Variants in TMTC1 observed in about 807,000 individuals in gnomAD.
TMTC1 encodes transmembrane O-mannosyltransferase targeting cadherins 1.
In TMTC1, 73 loss-of-function variants were observed where a neutral mutation model predicts 104.8. The ratio of observed to expected loss-of-function variants is 0.70; its 90% CI spans 0.58 to 0.85. The LOEUF (loss-of-function observed/expected upper bound fraction) is 0.85, where lower values mean the gene tolerates loss of function less well. TMTC1 is among the 40% of genes least tolerant of loss of function. The probability of loss-of-function intolerance (pLI) is 0.00; values close to 1 mark genes in which losing one functional copy is unlikely to be tolerated. For synonymous variants in TMTC1, 434 were observed against 428.7 expected (o/e 1.01, Z -0.15); for missense variants, 1,035 against 1,096.1 (o/e 0.94, Z 0.79).
At chr12:29,759,271 G>A (rs547907175) in intron 2 of TMTC1, among the ~76,000 whole-genome samples, 8 of 152,218 alleles carry the variant, frequency 5.3e-5, no homozygotes, top group African/African-American at 1.4e-4. Context: ...CGAGGCTGGC[G>A]GAACACTTGA....
chr12:29,694,188 T>A (rs1256611826), intron 5 of TMTC1, among the ~76,000 whole-genome samples: 1 of 152,196 alleles, frequency 6.6e-6, no homozygotes, highest in African/African-American at 2.4e-5. Flanking sequence ...CATCCCCGTA[T>A]CTGACTCTCT....
At position 29,751,826 on chromosome 12, in the gene TMTC1, G is replaced by A. The variant is rs1943097972; in HGVS notation, c.778C>T (p.Pro260Ser). The A allele has an allele frequency of 1.2e-6, 2 of 1,601,944 alleles. No individual in the cohort carries two copies. Among genetic ancestry groups the A allele is most frequent in the East Asian group, 2.3e-5 (1 of 44,376 alleles). The change falls in exon 5 of 18, where the codon CCC becomes TCC. Residue 260 changes from proline to serine, a missense_variant. By Grantham distance (74) the Pro-to-Ser change is moderately conservative. Transcript: ENST00000539277. ...TGGCCTGGCAGTGAGGAGGGCTGGGGGCTCCCGGGCTGCTGTGGGCTGCGT... is the reference window on the plus strand; with the variant it reads ...TGGCCTGGCAGTGAGGAGGGCTGGGAGCTCCCGGGCTGCTGTGGGCTGCGT... ...CPRSPQQPGS[P>S]QPSSLPGHPH...
chr12:29,779,919 C>A, intron 1 of TMTC1, among the ~76,000 whole-genome samples: 1 of 152,076 alleles, frequency 6.6e-6, no homozygotes, highest in East Asian at 1.9e-4. Context: ...ATAGCTTCAC[C>A]CATTAGGGAA....
chr12:29,557,814 G>A (rs1251542428), intron 9 of TMTC1, among the ~76,000 whole-genome samples: 1 of 152,154 alleles, frequency 6.6e-6, no homozygotes, highest in Non-Finnish European at 1.5e-5. Context: ...GATATATAAT[G>A]TCACCCCATA....
chr12:29,536,715 T>C (rs1332432442), intron 10 of TMTC1, among the ~76,000 whole-genome samples: 2 of 152,172 alleles, frequency 1.3e-5, no homozygotes, highest in Non-Finnish European at 2.9e-5. Context: ...GTCCCTGTAG[T>C]ACTGGTCACA....
chr12:29,683,260 G>A (rs1174470485), intron 5 of TMTC1, among the ~76,000 whole-genome samples: 3 of 152,122 alleles, frequency 2.0e-5, no homozygotes, highest in Admixed American at 6.5e-5. Context: ...ATTCAATCAC[G>A]AGGTCAAGAG....
At chr12:29,644,523 A>G (rs1362361136) in intron 5 of TMTC1, among the ~76,000 whole-genome samples, 2 of 152,132 alleles carry the variant, frequency 1.3e-5, no homozygotes, top group Admixed American at 1.3e-4. Flanking sequence ...AAATTAAAAA[A>G]ACAAAATTCC....
rs1287466953 is a variant in TMTC1, at chr12:29,767,827, TGTATACAC to T, written c.480+63_480+70del. On this transcript the variant is annotated intron_variant, in intron 2 of 17. Coordinates refer to ENST00000539277, the MANE Select transcript of TMTC1 (RefSeq NM_001193451.2). Reference sequence around the variant, plus strand: ...ATATTTACATGTATATATATGTGTGTGTATACACGTATACACGTATACATACACACATT... The same window carrying T: ...ATATTTACATGTATATATATGTGTGTGTATACACGTATACATACACACATT... 1.9e-5 allele frequency: 26 copies of T among 1,392,598 alleles called. 1 individual carries two copies. The highest frequency in any genetic ancestry group is 1.1e-4 in the Admixed American group (6 of 54,078). 86.3% of individuals were successfully genotyped at this position (1,392,598 alleles called of 1,614,324 possible). A position where few individuals can be genotyped will look rare whatever the true frequency, so the allele number is the denominator to read the frequency against.
chr12:29,517,543 T>C lies in TMTC1; in HGVS notation c.2053A>G (p.Ile685Val). 6.2e-7 allele frequency: 1 copy of C among 1,614,148 alleles called. No individual in the cohort carries two copies. Among genetic ancestry groups the C allele is most frequent in the South Asian group, 1.1e-5 (1 of 91,074 alleles). The change falls in exon 14 of 18, where the codon ATA becomes GTA. Residue 685 changes from isoleucine (I) to valine (V), a missense_variant. By Grantham distance (29) the Ile-to-Val change is conservative. Coordinates refer to ENST00000539277, the MANE Select transcript of TMTC1 (RefSeq NM_001193451.2). The part of the protein sequence containing the change: ...RALQVAHKAE[I>V]LSPLGALYYN... ...TACAGTGCTCCCAAAGGTGACAATA[T>C]CTCAGCTTTGTGTGCCACCTGCAGG...
chr12:29,585,656 A>G (rs981211637), intron 7 of TMTC1, among the ~76,000 whole-genome samples: 7 of 150,560 alleles, frequency 4.6e-5, no homozygotes, highest in Non-Finnish European at 7.3e-5. Context: ...AGCTTTCTAC[A>G]TATGGCTAGC....
rs927222181 is a variant in TMTC1 at position 29,501,641 on chromosome 12, T to A, written c.*5205A>T. ...GTTACATATATATATATACAACGTG[T>A]ACTACTGAGAATGCAAAGAAACTAC... On this transcript the variant is annotated 3_prime_UTR_variant, in exon 18 of 18. Transcript: ENST00000539277. 3 of 152,144 alleles carry A rather than the reference T, an allele frequency of 2.0e-5. No individual in the cohort carries two copies. Among genetic ancestry groups the A allele is most frequent in the South Asian group, 2.1e-4 (1 of 4,826 alleles). The allele number at this position is 152,144 out of a possible 1,614,324, so 9.4% of individuals were successfully genotyped here. A position where few individuals can be genotyped will look rare whatever the true frequency, so the allele number is the denominator to read the frequency against.
rs879602127 is a variant in TMTC1, at chr12:29,725,011, G to GTTTTTTTTTTTTTTTTTTTTT, written c.938+26654_938+26655insAAAAAAAAAAAAAAAAAAAAA. Among the ~76,000 whole-genome samples the GTTTTTTTTTTTTTTTTTTTTT allele has an allele frequency of 1.2e-4, 14 of 115,724 alleles. 2 individuals carry two copies. The highest frequency in any genetic ancestry group is 1.9e-4 in the African/African-American group (6 of 32,280). 75.9% of individuals were successfully genotyped at this position (115,724 alleles called of 152,430 possible). A position where few individuals can be genotyped will look rare whatever the true frequency, so the allele number is the denominator to read the frequency against. Reference sequence around the variant, plus strand: ...CGTAGTTTAGCTATATATCTGCCAAGTTCTTTTTTTTTTTTTTTTTTTTTT... The same window carrying GTTTTTTTTTTTTTTTTTTTTT: ...CGTAGTTTAGCTATATATCTGCCAAGTTTTTTTTTTTTTTTTTTTTTTTCTTTTTTTTTTTTTTTTTTTTTT... On this transcript the variant is annotated intron_variant, in intron 5 of 17. Coordinates refer to ENST00000539277, the MANE Select transcript of TMTC1 (RefSeq NM_001193451.2).
At chr12:29,558,836 A>C (rs1565670643) in intron 9 of TMTC1, among the ~76,000 whole-genome samples, 1 of 152,168 alleles carries the variant, frequency 6.6e-6, no homozygotes, top group Non-Finnish European at 1.5e-5. Context: ...TTTAGAAGAT[A>C]TGAGGCTATG....
Position 29,768,207 on chromosome 12 carries a change from T to A in TMTC1, c.303-132A>T, listed in dbSNP as rs930132493. On this transcript the variant is annotated intron_variant, in intron 1 of 17. Coordinates refer to ENST00000539277, the MANE Select transcript of TMTC1 (RefSeq NM_001193451.2). ...AATGATTTTTAAATGATTCCCAACA[T>A]TGGGTTATTTTTTAGCCTTGGGTAT... is the stretch of plus-strand genomic sequence containing the variant. 9.5e-6 allele frequency: 7 copies of A among 738,392 alleles called. No homozygotes were observed. In the South Asian group the frequency reaches 1.5e-4, roughly 16 times the overall value. 45.7% of individuals were successfully genotyped at this position (738,392 alleles called of 1,614,324 possible).
intron 11 of TMTC1, chr12:29,529,871 T>A (rs2136186100): frequency 6.6e-6 from 1 of 152,284 alleles, no homozygotes; most frequent in East Asian, 1.9e-4. Context: ...ACCAGCAGAA[T>A]GTGATCAACA....
intron 6 of TMTC1, among the ~76,000 whole-genome samples, chr12:29,617,300 C>T (rs187922553): frequency 1.4e-4 from 22 of 152,108 alleles, no homozygotes; most frequent in Admixed American, 1.4e-3. Context: ...TGTCAAAGCA[C>T]TCTTGAAAAA....
chr12:29,548,702 C>A (rs182853806), intron 10 of TMTC1, among the ~76,000 whole-genome samples: 305 of 150,902 alleles, frequency 2.0e-3, no homozygotes, highest in African/African-American at 6.9e-3. Flanking sequence ...TCTTTATTAG[C>A]AATATGAGAA....
intron 5 of TMTC1, among the ~76,000 whole-genome samples, chr12:29,718,117 C>CA (rs1356822807): frequency 1.3e-5 from 2 of 152,054 alleles, no homozygotes; most frequent in Non-Finnish European, 2.9e-5. Context: ...AACAAACAAA[C>CA]AAAAAATCCC....
At chr12:29,666,752 G>T (rs974195778) in intron 5 of TMTC1, among the ~76,000 whole-genome samples, 1 of 152,088 alleles carries the variant, frequency 6.6e-6, no homozygotes, top group Non-Finnish European at 1.5e-5. Flanking sequence ...ATAAACACCT[G>T]ATAATTTTTG....
Sources: gnomAD v4.1 joint callset for allele counts (sites outside exome capture counted in the v4.1 genomes callset) on GRCh38, gnomAD v4.1.1 for gene constraint, MANE v1.5 for transcripts, NCBI Gene and HGNC (gene_info 2026-07-23, HGNC 2026-07-21) for gene names.